The following ZC3H14 variants were observed in gnomAD, a reference collection of about 807,000 sequenced individuals.
ZC3H14 encodes zinc finger CCCH-type containing 14.
In ZC3H14, 31 loss-of-function variants were observed where a neutral mutation model predicts 92.4. That is an observed-to-expected ratio of 0.34 (90% confidence interval 0.25 to 0.45). The LOEUF is 0.45. Ranked by LOEUF, ZC3H14 falls within the 20% of genes least tolerant of loss-of-function variation. The pLI, the probability that ZC3H14 is intolerant of heterozygous loss-of-function variation, is 1.00. For synonymous variants in ZC3H14, 321 were observed against 300.9 expected (o/e 1.07, Z -0.69); for missense variants, 781 against 897.3 (o/e 0.87, Z 1.66).
chr14:88,615,845 G>C lies in ZC3H14; in HGVS notation c.*4094G>C. The C allele has an allele frequency of 6.2e-7, 1 of 1,611,658 alleles. No individual in the cohort carries two copies. The highest frequency in any genetic ancestry group is 8.5e-7 in the Non-Finnish European group (1 of 1,178,950). On this transcript the variant is annotated 3_prime_UTR_variant, in exon 17 of 17. Transcript: ENST00000251038. ...AGTGAGGTGTATGTACACATTTCCA[G>C]ACAAATAAGCTGCAATCAGAGAAGA...
chr14:88,587,150 T>C (rs1376434287), intron 9 of ZC3H14, among the ~76,000 whole-genome samples: 1 of 146,402 alleles, frequency 6.8e-6, no homozygotes, highest in Non-Finnish European at 1.5e-5. Context: ...TTCTGAAAGA[T>C]ATGTATCCTT....
At chr14:88,570,733 A>T (rs2080278276) in intron 3 of ZC3H14, among the ~76,000 whole-genome samples, 1 of 152,202 alleles carries the variant, frequency 6.6e-6, no homozygotes, top group South Asian at 2.1e-4. Context: ...ACAATTTTTT[A>T]TTGACTTCTG....
chr14:88,574,773 G>A lies in ZC3H14; in HGVS notation c.942G>A (p.Glu314=), dbSNP rs749410549. ...KVKKFNHDGE[E]EEEDDDYGSR... is the part of the protein sequence containing the mutation. Reference sequence around the variant, plus strand: ...AAAAATTCAATCATGATGGAGAAGAGGAGGAAGAAGATGATGATTACGGGT... The same window carrying A: ...AAAAATTCAATCATGATGGAGAAGAAGAGGAAGAAGATGATGATTACGGGT... The change falls in exon 7 of 17, where the codon GAG becomes GAA. Residue 314 remains glutamate (E), a synonymous_variant. Transcript: ENST00000251038. 3 of 1,614,040 alleles carry A rather than the reference G, an allele frequency of 1.9e-6. No homozygotes were observed. Among genetic ancestry groups the A allele is most frequent in the South Asian group, 2.2e-5 (2 of 91,084 alleles).
At position 88,625,430 on chromosome 14, in the gene ZC3H14, C is replaced by T. The variant is rs1299434319; in HGVS notation, c.*13679C>T. On this transcript the variant is annotated 3_prime_UTR_variant, in exon 17 of 17. Coordinates refer to ENST00000251038, the MANE Select transcript of ZC3H14 (RefSeq NM_024824.5). ...TTTTTATTTTTTTGAGACGGAGTTT[C>T]GCTCTTTGTTGCCCAGGCTGGAGTG... The T allele has an allele frequency of 4.4e-6, 1 of 226,824 alleles. No individual in the cohort carries two copies. The highest frequency in any genetic ancestry group is 8.6e-6 in the Non-Finnish European group (1 of 115,998). The allele number at this position is 226,824 out of a possible 1,614,324, so 14.1% of individuals were successfully genotyped here. A position where few individuals can be genotyped will look rare whatever the true frequency, so the allele number is the denominator to read the frequency against.
chr14:88,566,561 A>G (rs1423815850), intron 2 of ZC3H14, among the ~76,000 whole-genome samples: 1 of 152,196 alleles, frequency 6.6e-6, no homozygotes, highest in Non-Finnish European at 1.5e-5. Context: ...TTTCTTTGAA[A>G]CAAAAAAAGT....
At chr14:88,563,411 GCCACCACCGCGGCGC>G in intron 1 of ZC3H14, 1 of 1,429,842 alleles carries the variant, frequency 7.0e-7, no homozygotes, top group Non-Finnish European at 9.1e-7. Flanking sequence ...CCCGGCTGGA[GCCACCACCGCGGCGC>G]ACGGCGCCGC....
chr14:88,616,700 TA>T lies in ZC3H14; in HGVS notation c.*4951del. 1.9e-6 allele frequency: 3 copies of T among 1,599,732 alleles called. No individual in the cohort carries two copies. The highest frequency in any genetic ancestry group is 1.7e-6 in the Non-Finnish European group (2 of 1,171,512). ...GACATCAAAATTAGGAGTAAACTGATAATAGTAAACAAAACACAAACTTACA... is the reference window on the plus strand; with the variant it reads ...GACATCAAAATTAGGAGTAAACTGATATAGTAAACAAAACACAAACTTACA... On this transcript the variant is annotated 3_prime_UTR_variant, in exon 17 of 17. Transcript: ENST00000251038.
At position 88,611,759 on chromosome 14, in the gene ZC3H14, T is replaced by A; in HGVS notation, c.*8T>A. On this transcript the variant is annotated 3_prime_UTR_variant, in exon 17 of 17. Transcript: ENST00000251038. ...TGTTCATTCAGCGAATAGCACCCAG[T>A]CCTGCCTGGCAGAAGATCATGCAGT... is the stretch of plus-strand genomic sequence containing the variant. The A allele has an allele frequency of 6.2e-7, 1 of 1,614,034 alleles. No individual in the cohort carries two copies. Among genetic ancestry groups the A allele is most frequent in the Non-Finnish European group, 8.5e-7 (1 of 1,179,938 alleles).
chr14:88,579,228 T>C (rs1595590112), intron 9 of ZC3H14, among the ~76,000 whole-genome samples: 1 of 152,230 alleles, frequency 6.6e-6, no homozygotes, highest in East Asian at 1.9e-4. Flanking sequence ...AATTCTGTAT[T>C]TGTTTCCTCA....
In ZC3H14 at chr14:88,614,769, A is replaced by T. The variant is rs1595168615; in HGVS notation, c.*3018A>T. 1 of 152,240 alleles carries T rather than the reference A, an allele frequency of 6.6e-6. No individual in the cohort carries two copies. The highest frequency in any genetic ancestry group is 2.4e-5 in the African/African-American group (1 of 41,474). 9.4% of individuals were successfully genotyped at this position (152,240 alleles called of 1,614,324 possible). A position where few individuals can be genotyped will look rare whatever the true frequency, so the allele number is the denominator to read the frequency against. On this transcript the variant is annotated 3_prime_UTR_variant, in exon 17 of 17. Transcript: ENST00000251038. ...AATTCAGCCCTAATCCACTAAAAAA[A>T]GGAATTCTAACTGACAAGTTTTTAC... is the stretch of plus-strand genomic sequence containing the variant.
chr14:88,579,415 G>A (rs1398754829), intron 9 of ZC3H14, among the ~76,000 whole-genome samples: 2 of 152,140 alleles, frequency 1.3e-5, no homozygotes, highest in South Asian at 4.2e-4. Flanking sequence ...AACTGAGGAG[G>A]GATTTTGCTC....
chr14:88,609,992 A>G (rs1301353609), intron 15 of ZC3H14, among the ~76,000 whole-genome samples, 189 bp downstream of exon 15: 2 of 152,174 alleles, frequency 1.3e-5, no homozygotes, highest in Admixed American at 6.5e-5. Flanking sequence ...AAACTGTTCA[A>G]TGTTAGTATC....
At chr14:88,598,595 A>G (rs2084183906) in intron 10 of ZC3H14, among the ~76,000 whole-genome samples, 1 of 152,176 alleles carries the variant, frequency 6.6e-6, no homozygotes, top group East Asian at 1.9e-4. Context: ...GTGGGTAAAG[A>G]TTTATCAGGA....
intron 9 of ZC3H14, among the ~76,000 whole-genome samples, chr14:88,583,826 C>T (rs2082182598): frequency 6.6e-6 from 1 of 152,172 alleles, no homozygotes; most frequent in African/African-American, 2.4e-5. Flanking sequence ...AGATAAAGCT[C>T]TACTGTTAAC....
chr14:88,622,491 C>T lies in ZC3H14; in HGVS notation c.*10740C>T, dbSNP rs148214166. 1 of 810,048 alleles carries T rather than the reference C, an allele frequency of 1.2e-6. No homozygotes were observed. The highest frequency in any genetic ancestry group is 3.0e-5 in the East Asian group (1 of 33,514). 50.2% of individuals were successfully genotyped at this position (810,048 alleles called of 1,614,324 possible). On this transcript the variant is annotated 3_prime_UTR_variant, in exon 17 of 17. Transcript: ENST00000251038. ...GACAGAGTAATGTTGGCAAGCAAAT[C>T]CATCGTTATGCATTATTAAGTATTG...
intron 10 of ZC3H14, among the ~76,000 whole-genome samples, chr14:88,601,515 C>T (rs1447125882): frequency 1.3e-5 from 2 of 152,128 alleles, no homozygotes; most frequent in East Asian, 1.9e-4. Context: ...TGGTACTGTG[C>T]GAAGTGAACA....
intron 10 of ZC3H14, among the ~76,000 whole-genome samples, chr14:88,598,543 A>G (rs1344746): frequency 0.6 from 90,525 of 152,068 alleles, 28,994 homozygotes; most frequent in Non-Finnish European, 0.73. Context: ...TTATCCTCTG[A>G]AGAGTCTAAA....
chr14:88,598,793 C>G (rs1288232245), intron 10 of ZC3H14, among the ~76,000 whole-genome samples: 2 of 152,140 alleles, frequency 1.3e-5, no homozygotes, highest in African/African-American at 2.4e-5. Context: ...GCATCAAAAC[C>G]AAGAAAACAG....
chr14:88,603,011 G>A lies in ZC3H14; in HGVS notation c.1698G>A (p.Leu566=), dbSNP rs1238155828. Residue 566 remains leucine, a synonymous_variant, in exon 12 of 17, where the codon TTG becomes TTA. Coordinates refer to ENST00000251038, the MANE Select transcript of ZC3H14 (RefSeq NM_024824.5). The part of the protein sequence containing the change: ...GLRGLLHPQQ[L]HLLSRQLEDP... ...GAGGTCTCCTCCACCCACAGCAGTT[G>A]CACTTGCTGAGCAGGCAGCTTGAGG... 17 of 1,614,190 alleles carry A rather than the reference G, an allele frequency of 1.1e-5. No individual in the cohort carries two copies. Among genetic ancestry groups the A allele is most frequent in the Non-Finnish European group, 1.4e-5 (17 of 1,180,044 alleles).
Sources: allele counts gnomAD v4.1 joint callset (sites outside exome capture counted in the v4.1 genomes callset), GRCh38; gene constraint gnomAD v4.1.1; transcripts MANE v1.5; gene names NCBI Gene and HGNC (gene_info 2026-07-23, HGNC 2026-07-21).